Variants in NR3C2 observed in about 807,000 individuals in gnomAD.
NR3C2 encodes the protein mineralocorticoid receptor.
In NR3C2, 15 loss-of-function variants were observed where a neutral mutation model predicts 86.4. That is an observed-to-expected ratio of 0.17 (90% CI 0.12 to 0.27). NR3C2 has a LOEUF of 0.27. Among genes scored for constraint, NR3C2 ranks in the 10% least tolerant of loss-of-function variants. The pLI is 1.00. For synonymous variants in NR3C2, 458 were observed against 450.5 expected (o/e 1.02, Z -0.21); for missense variants, 960 against 1,195.6 (o/e 0.80, Z 2.91).
chr4:148,408,021 C>T (rs1303162212), intron 2 of NR3C2, among the ~76,000 whole-genome samples: 2 of 152,162 alleles, frequency 1.3e-5, no homozygotes, highest in Non-Finnish European at 2.9e-5. Context: ...GCAGAAACTA[C>T]ACACACCCTT....
At chr4:148,371,202 CTT>C (rs1203712267) in intron 2 of NR3C2, among the ~76,000 whole-genome samples, 3 of 152,168 alleles carry the variant, frequency 2.0e-5, no homozygotes, top group Non-Finnish European at 2.9e-5. Flanking sequence ...CAATTATACT[CTT>C]TGAGTTATTT....
upstream of NR3C2, chr4:148,442,605 C>A (rs1037490875): frequency 2.0e-6 from 2 of 978,782 alleles, no homozygotes; most frequent in African/African-American, 1.8e-5. Context: ...AGAAGCAAGG[C>A]TCCACGCCGC....
chr4:148,382,434 C>A (rs1353613358), intron 2 of NR3C2, among the ~76,000 whole-genome samples: 1 of 152,144 alleles, frequency 6.6e-6, no homozygotes, highest in Admixed American at 6.5e-5. Flanking sequence ...CACAACAAGA[C>A]CCTAATGCTA....
chr4:148,155,954 G>A (rs1279344996), intron 4 of NR3C2, among the ~76,000 whole-genome samples: 7 of 152,002 alleles, frequency 4.6e-5, no homozygotes, highest in African/African-American at 1.5e-4. Context: ...CAGAAATAAC[G>A]CCACATATCG....
chr4:148,096,740 G>A (rs1426963383), intron 8 of NR3C2, among the ~76,000 whole-genome samples: 5 of 152,128 alleles, frequency 3.3e-5, no homozygotes, highest in African/African-American at 9.7e-5. Context: ...CATATGTTAT[G>A]AAATTGTTTA....
intron 2 of NR3C2, among the ~76,000 whole-genome samples, chr4:148,434,708 G>A (rs1749952609): frequency 6.6e-6 from 1 of 152,010 alleles, no homozygotes; most frequent in South Asian, 2.1e-4. Flanking sequence ...AAAGGACTAA[G>A]ACCACAAATA....
In NR3C2 at chr4:148,109,357, C is replaced by T. The variant is rs528768802; in HGVS notation, c.2799+4747G>A. On this transcript the variant is annotated intron_variant, in intron 8 of 8. Transcript: ENST00000358102. ...GGGTGTCTCCCTCCTATGACACTGC[C>T]TGGCACTTTTAGACACTCAAGTATT... 1.1e-3 allele frequency among the ~76,000 whole-genome samples: 168 copies of T among 152,302 alleles called. 3 individuals carry two copies. In the South Asian group the frequency reaches 0.034, roughly 30 times the overall value.
At chr4:148,156,678 G>C (rs1734404782) in intron 4 of NR3C2, among the ~76,000 whole-genome samples, 2 of 131,820 alleles carry the variant, frequency 1.5e-5, no homozygotes, top group Non-Finnish European at 3.5e-5. Flanking sequence ...AGGATGTGGA[G>C]AAATAGGAAC....
intron 6 of NR3C2, among the ~76,000 whole-genome samples, chr4:148,140,742 T>A (rs1261148586): frequency 6.6e-6 from 1 of 152,216 alleles, no homozygotes; most frequent in African/African-American, 2.4e-5. Context: ...CTCCCTCTAG[T>A]TAGCCAGAAT....
At chr4:148,308,231 C>A (rs1377849916) in intron 2 of NR3C2, among the ~76,000 whole-genome samples, 1 of 151,978 alleles carries the variant, frequency 6.6e-6, no homozygotes, top group East Asian at 1.9e-4. Context: ...TAGAAAGCGA[C>A]AAATATAAAC....
intron 3 of NR3C2, among the ~76,000 whole-genome samples, chr4:148,246,976 G>T (rs1288807961): frequency 6.6e-6 from 1 of 152,040 alleles, no homozygotes; most frequent in Non-Finnish European, 1.5e-5. Flanking sequence ...TTTTATTAAT[G>T]CCTATTAGCA....
At chr4:148,291,034 C>T (rs1214388176) in intron 2 of NR3C2, among the ~76,000 whole-genome samples, 4 of 152,146 alleles carry the variant, frequency 2.6e-5, no homozygotes, top group Non-Finnish European at 5.9e-5. Context: ...GTCTACTTAA[C>T]AACCATATAA....
intron 2 of NR3C2, among the ~76,000 whole-genome samples, chr4:148,409,911 T>A (rs1394401018): frequency 6.6e-6 from 1 of 152,084 alleles, no homozygotes; most frequent in Admixed American, 6.5e-5. Context: ...TACACATAAT[T>A]GAAAATTGGA....
chr4:148,178,710 T>G (rs1735502118), intron 4 of NR3C2, among the ~76,000 whole-genome samples: 1 of 151,456 alleles, frequency 6.6e-6, no homozygotes, highest in South Asian at 2.1e-4. Context: ...ATTGTCTATA[T>G]TCTCTCAGCC....
At chr4:148,149,363 CTTAT>C (rs1179996559) in intron 6 of NR3C2, among the ~76,000 whole-genome samples, 4 of 150,112 alleles carry the variant, frequency 2.7e-5, no homozygotes, top group African/African-American at 7.4e-5. Context: ...TTTTTTGTTT[CTTAT>C]TTATTTCTAA....
At chr4:148,350,083 C>A (rs901868665) in intron 2 of NR3C2, among the ~76,000 whole-genome samples, 7 of 152,154 alleles carry the variant, frequency 4.6e-5, no homozygotes, top group African/African-American at 1.4e-4. Flanking sequence ...GTCCCAGGTG[C>A]TTTATGCTCA....
chr4:148,360,887 C>T (rs192966827), intron 2 of NR3C2, among the ~76,000 whole-genome samples: 16 of 152,248 alleles, frequency 1.1e-4, no homozygotes, highest in Non-Finnish European at 1.9e-4. Flanking sequence ...TTACATGTTA[C>T]ACCCATAAAG....
chr4:148,145,623 G>A (rs1192465073), intron 6 of NR3C2, among the ~76,000 whole-genome samples: 4 of 152,156 alleles, frequency 2.6e-5, no homozygotes, highest in Non-Finnish European at 5.9e-5. Context: ...AGATTCCCCC[G>A]CTGGGAACAG....
At chr4:148,422,133 A>AG (rs1749312023) in intron 2 of NR3C2, among the ~76,000 whole-genome samples, 1 of 152,102 alleles carries the variant, frequency 6.6e-6, no homozygotes, top group South Asian at 2.1e-4. Context: ...AGTACTTAAG[A>AG]GGGGGAAAAA....
Sources: gnomAD v4.1 joint callset for allele counts (sites outside exome capture counted in the v4.1 genomes callset) on GRCh38, gnomAD v4.1.1 for gene constraint, MANE v1.5 for transcripts, NCBI Gene and HGNC (gene_info 2026-07-23, HGNC 2026-07-21) for gene names.